Variants in TBC1D12 observed in about 807,000 individuals in gnomAD.
The protein encoded by TBC1D12 is TBC1 domain family, member 12.
TBC1D12 carries 56 observed loss-of-function variants against 86.7 expected under a neutral mutation model. The observed-to-expected ratio is 0.65, with a 90% CI of 0.52 to 0.81. The LOEUF is 0.81. Ranked by LOEUF, TBC1D12 falls within the 30% of genes least tolerant of loss-of-function variation. The pLI, the probability that TBC1D12 is intolerant of heterozygous loss-of-function variation, is 0.00. For missense variants in TBC1D12, 1,023 were observed against 1,038.8 expected, an observed-to-expected ratio of 0.98 and a Z score of 0.21; for synonymous variants, 421 against 411.7, an observed-to-expected ratio of 1.02 and a Z score of -0.27.
At chr10:94,459,378 T>C (rs2055686303) in intron 2 of TBC1D12, among the ~76,000 whole-genome samples, 1 of 152,236 alleles carries the variant, frequency 6.6e-6, no homozygotes, top group Non-Finnish European at 1.5e-5. Context: ...AACCTTTAGC[T>C]AGACATAAAA....
At chr10:94,417,783 C>G (rs2055019362) in intron 1 of TBC1D12, among the ~76,000 whole-genome samples, 1 of 145,958 alleles carries the variant, frequency 6.9e-6, no homozygotes, top group Non-Finnish European at 1.5e-5. Context: ...GAGTCTCGCT[C>G]TGTCGCCCAG....
At chr10:94,428,830 C>G (rs1448897724) in intron 1 of TBC1D12, among the ~76,000 whole-genome samples, 1 of 151,924 alleles carries the variant, frequency 6.6e-6, no homozygotes, top group Non-Finnish European at 1.5e-5. Context: ...CCGCTTCAGC[C>G]TTCTGAGTAG....
intron 1 of TBC1D12, among the ~76,000 whole-genome samples, chr10:94,429,963 T>A (rs2055193720): frequency 6.6e-6 from 1 of 152,170 alleles, no homozygotes; most frequent in African/African-American, 2.4e-5. Flanking sequence ...CTCGAACTCT[T>A]GGACGCAAGA....
At chr10:94,479,820 C>T (rs2056049475) in intron 3 of TBC1D12, among the ~76,000 whole-genome samples, 1 of 152,182 alleles carries the variant, frequency 6.6e-6, no homozygotes, top group African/African-American at 2.4e-5. Flanking sequence ...TAAGAGACTC[C>T]CCAAATAGTA....
intron 3 of TBC1D12, among the ~76,000 whole-genome samples, chr10:94,478,738 A>G (rs1251553610): frequency 6.6e-6 from 1 of 152,254 alleles, no homozygotes; most frequent in African/African-American, 2.4e-5. Flanking sequence ...CCTCACATCC[A>G]GATCCATTGA....
chr10:94,490,912 T>G (rs1251813202), intron 3 of TBC1D12, among the ~76,000 whole-genome samples: 1 of 152,090 alleles, frequency 6.6e-6, no homozygotes, highest in Non-Finnish European at 1.5e-5. Flanking sequence ...ATCACACACA[T>G]GCACAGATCA....
rs142866654 is a variant in TBC1D12 at position 94,518,626 on chromosome 10, G to A, written c.1762-3329G>A. ...ACATAAACAATGTATCTTTTTTAGT[G>A]CATCACACCATGAGTCAATAAATAA... is the stretch of plus-strand genomic sequence containing the variant. On this transcript the variant is annotated intron_variant, in intron 9 of 12. Coordinates refer to ENST00000225235, the MANE Select transcript of TBC1D12 (RefSeq NM_015188.2). Among the ~76,000 whole-genome samples the A allele has an allele frequency of 2.6e-3, 395 of 152,236 alleles. 2 individuals carry two copies. Among genetic ancestry groups the A allele is most frequent in the Non-Finnish European group, 4.2e-3 (284 of 68,028 alleles).
chr10:94,465,066 A>C (rs945727006), intron 2 of TBC1D12, among the ~76,000 whole-genome samples: 55 of 152,196 alleles, frequency 3.6e-4, no homozygotes, highest in Non-Finnish European at 7.2e-4. Flanking sequence ...CTCTGATGCC[A>C]CTCCAAAATT....
intron 2 of TBC1D12, among the ~76,000 whole-genome samples, chr10:94,467,156 A>G (rs1369698323): frequency 6.6e-6 from 1 of 152,182 alleles, no homozygotes; most frequent in Non-Finnish European, 1.5e-5. Context: ...TGAAAAAGAC[A>G]TTTGTTCAGT....
chr10:94,446,063 C>T (rs976193302), intron 2 of TBC1D12, among the ~76,000 whole-genome samples: 9 of 152,094 alleles, frequency 5.9e-5, no homozygotes, highest in Admixed American at 5.2e-4. Flanking sequence ...ATTTTGCTGT[C>T]CTCTTCCCTG....
At chr10:94,413,023 A>G (rs191447797) in intron 1 of TBC1D12, among the ~76,000 whole-genome samples, 3 of 152,354 alleles carry the variant, frequency 2.0e-5, no homozygotes, top group Admixed American at 6.5e-5. Flanking sequence ...TTCCCCGACT[A>G]TAACCACTGA....
Position 94,402,971 on chromosome 10 carries a change from G to C in TBC1D12, c.358G>C (p.Ala120Pro), listed in dbSNP as rs761302886. 1 of 1,575,328 alleles carries C rather than the reference G, an allele frequency of 6.3e-7. No homozygotes were observed. The highest frequency in any genetic ancestry group is 8.6e-7 in the Non-Finnish European group (1 of 1,165,420). ...GGGCTCGGGCTCCAAACACCGCGGC[G>C]CGGAGGTGGCTGATGGCCGCGCGCC... Reference protein sequence around the residue: ...LLGSGSKHRGAEVADGRAPRH... With the variant: ...LLGSGSKHRGPEVADGRAPRH... Residue 120 changes from alanine (A) to proline (P), a missense_variant, in exon 1 of 13, where the codon GCG (alanine) becomes CCG (proline). Ala to Pro is a conservative substitution (Grantham distance 27, BLOSUM62 -1). Coordinates refer to ENST00000225235, the MANE Select transcript of TBC1D12 (RefSeq NM_015188.2).
At position 94,474,707 on chromosome 10, in the gene TBC1D12, CCTCA is replaced by C; in HGVS notation, c.1136_1139del (p.Pro379ArgfsTer18). 1 of 1,614,082 alleles carries C rather than the reference CCTCA, an allele frequency of 6.2e-7. No individual in the cohort carries two copies. The highest frequency in any genetic ancestry group is 8.5e-7 in the Non-Finnish European group (1 of 1,180,022). On this transcript the variant is annotated frameshift_variant, in exon 3 of 13. Coordinates refer to ENST00000225235, the MANE Select transcript of TBC1D12 (RefSeq NM_015188.2). LOFTEE classifies it high-confidence loss of function. ...AACGGGGAGGACCTGTAAACCACCA[CCTCA>C]GTCTTCAAGACGCAAGAATTTTGAA... is the stretch of plus-strand genomic sequence containing the variant.
chr10:94,459,860 G>A (rs987538281), intron 2 of TBC1D12, among the ~76,000 whole-genome samples: 1 of 152,166 alleles, frequency 6.6e-6, no homozygotes, highest in East Asian at 1.9e-4. Context: ...ACGCAGCCAC[G>A]GTTCCTGCCT....
chr10:94,474,617 C>A (rs2055959058), intron 2 of TBC1D12, 51 bp from the exon 3 acceptor site: 1 of 1,326,096 alleles, frequency 7.5e-7, no homozygotes, highest in Non-Finnish European at 1.1e-6. Context: ...TTTAATAGTA[C>A]AAACTATGTT....
intron 2 of TBC1D12, among the ~76,000 whole-genome samples, chr10:94,458,155 T>C (rs527948091): frequency 1.0e-3 from 158 of 152,272 alleles, no homozygotes; most frequent in Non-Finnish European, 2.1e-3. Flanking sequence ...GGTGATTAAT[T>C]CTTTAAGAGG....
intron 1 of TBC1D12, among the ~76,000 whole-genome samples, chr10:94,440,497 T>C (rs2055365010): frequency 6.6e-6 from 1 of 152,178 alleles, no homozygotes; most frequent in East Asian, 1.9e-4. Context: ...TATTATTGAT[T>C]AGCCTGCATT....
chr10:94,516,612 C>T (rs1018422732), intron 9 of TBC1D12, among the ~76,000 whole-genome samples: 2 of 140,684 alleles, frequency 1.4e-5, no homozygotes, highest in Non-Finnish European at 3.0e-5. Context: ...GTTCCCCTTC[C>T]TGTGTCCAAG....
intron 3 of TBC1D12, among the ~76,000 whole-genome samples, chr10:94,476,534 G>C (rs1350150640): frequency 1.3e-5 from 2 of 152,106 alleles, no homozygotes; most frequent in Non-Finnish European, 2.9e-5. Flanking sequence ...AGGAAAACAA[G>C]AGTGGTTAGA....
Sources: allele counts gnomAD v4.1 joint callset (sites outside exome capture counted in the v4.1 genomes callset), GRCh38; gene constraint gnomAD v4.1.1; transcripts MANE v1.5; gene names NCBI Gene and HGNC (gene_info 2026-07-23, HGNC 2026-07-21).